SPMIP7: variants seen among roughly 807,000 people sequenced by gnomAD.
SPMIP7 encodes sperm microtubule inner protein 7.
At chr7:50,133,140 A>G in the SPMIP7 span, among the ~76,000 whole-genome samples, 1 of 152,072 alleles carries the variant, frequency 6.6e-6, no homozygotes, top group Non-Finnish European at 1.5e-5. Flanking sequence ...TTCACTCAGG[A>G]TCCAACTGGA....
the SPMIP7 span, among the ~76,000 whole-genome samples, chr7:50,106,423 A>G: frequency 6.6e-6 from 1 of 152,232 alleles, no homozygotes; most frequent in Admixed American, 6.5e-5. Context: ...AGTAAAAAGC[A>G]CTTGAACAGA....
chr7:50,145,618 G>GTATATATATA, the SPMIP7 span, among the ~76,000 whole-genome samples: 69 of 27,652 alleles, frequency 2.5e-3, 2 homozygotes, highest in South Asian at 0.01. Context: ...ATATGTGTGT[G>GTATATATATA]TATATATATA....
the SPMIP7 span, among the ~76,000 whole-genome samples, chr7:50,102,880 A>G: frequency 6.6e-6 from 1 of 151,296 alleles, no homozygotes; most frequent in Non-Finnish European, 1.5e-5. Flanking sequence ...AATAGTCATT[A>G]AAGGTTAGGA....
the SPMIP7 span, among the ~76,000 whole-genome samples, chr7:50,151,121 G>A: frequency 6.6e-6 from 1 of 152,158 alleles, no homozygotes; most frequent in South Asian, 2.1e-4. Context: ...GTCAAGACCT[G>A]GTATCTTCCT....
At chr7:50,116,987 A>G in the SPMIP7 span, among the ~76,000 whole-genome samples, 1 of 152,194 alleles carries the variant, frequency 6.6e-6, no homozygotes, top group South Asian at 2.1e-4. Flanking sequence ...CTGACCTACA[A>G]TTAAAAGAAA....
the SPMIP7 span, among the ~76,000 whole-genome samples, chr7:50,126,289 C>T: frequency 6.6e-6 from 1 of 151,548 alleles, no homozygotes; most frequent in East Asian, 1.9e-4. Context: ...ATTAATTTGG[C>T]ACTTAGATGA....
At chr7:50,153,674 C>T in the SPMIP7 span, among the ~76,000 whole-genome samples, 1 of 152,156 alleles carries the variant, frequency 6.6e-6, no homozygotes, top group Non-Finnish European at 1.5e-5. Flanking sequence ...GAAACTGAGG[C>T]ACACACAAGC....
chr7:50,111,146 G>T, the SPMIP7 span, among the ~76,000 whole-genome samples: 2 of 149,020 alleles, frequency 1.3e-5, no homozygotes, highest in Non-Finnish European at 3.0e-5. Context: ...GTATTGAAAT[G>T]GTGTCATTGT....
At chr7:50,111,072 A>G in the SPMIP7 span, among the ~76,000 whole-genome samples, 1 of 145,906 alleles carries the variant, frequency 6.9e-6, no homozygotes, top group East Asian at 2.0e-4. Flanking sequence ...CATATATATG[A>G]TAAAATGTTC....
the SPMIP7 span, chr7:50,120,405 G>A: frequency 6.6e-6 from 1 of 152,038 alleles, no homozygotes; most frequent in Non-Finnish European, 1.5e-5. Context: ...TCCTGAAGGG[G>A]GATAAAAAAA....
chr7:50,129,990 A>G, the SPMIP7 span, among the ~76,000 whole-genome samples: 1 of 152,138 alleles, frequency 6.6e-6, no homozygotes, highest in Admixed American at 6.6e-5. Flanking sequence ...TGATGGAAGA[A>G]TAAAACCATA....
At chr7:50,104,239 G>A in the SPMIP7 span, 1 of 628,414 alleles carries the variant, frequency 1.6e-6, no homozygotes. Context: ...GCTTCTAATA[G>A]TAAATATTTC....
At chr7:50,121,315 A>G in the SPMIP7 span, 1 of 152,222 alleles carries the variant, frequency 6.6e-6, no homozygotes, top group South Asian at 2.1e-4. Flanking sequence ...TACGTATGTA[A>G]TAAACTGTAA....
chr7:50,100,743 C>G, the SPMIP7 span, among the ~76,000 whole-genome samples: 1 of 151,714 alleles, frequency 6.6e-6, no homozygotes, highest in Non-Finnish European at 1.5e-5. Flanking sequence ...ACCTGGTAGG[C>G]AGAGCTTGCA....
At chr7:50,141,083 G>A in the SPMIP7 span, among the ~76,000 whole-genome samples, 1 of 152,180 alleles carries the variant, frequency 6.6e-6, no homozygotes, top group African/African-American at 2.4e-5. Context: ...GCATGCCACC[G>A]CTCATTCTGA....
the SPMIP7 span, among the ~76,000 whole-genome samples, chr7:50,117,831 A>G: frequency 1.3e-5 from 2 of 152,192 alleles, no homozygotes; most frequent in Non-Finnish European, 2.9e-5. Context: ...ATTTATACAG[A>G]TAGTTACATG....
chr7:50,118,832 T>G, the SPMIP7 span, among the ~76,000 whole-genome samples: 1 of 152,184 alleles, frequency 6.6e-6, no homozygotes, highest in Non-Finnish European at 1.5e-5. Context: ...GAGGTAATAT[T>G]ACCTCGGCTT....
At chr7:50,152,950 C>T in the SPMIP7 span, among the ~76,000 whole-genome samples, 1 of 152,064 alleles carries the variant, frequency 6.6e-6, no homozygotes, top group Admixed American at 6.6e-5. Flanking sequence ...GCCTCCCAAA[C>T]TGCTGGGATT....
At chr7:50,154,256 A>G in the SPMIP7 span, among the ~76,000 whole-genome samples, 1 of 152,248 alleles carries the variant, frequency 6.6e-6, no homozygotes, top group African/African-American at 2.4e-5. Flanking sequence ...CAGAGCAGCT[A>G]TAATCTACTC....
Sources: gnomAD v4.1 joint callset for allele counts (sites outside exome capture counted in the v4.1 genomes callset) on GRCh38, gnomAD v4.1.1 for gene constraint, MANE v1.5 for transcripts, NCBI Gene and HGNC (gene_info 2026-07-23, HGNC 2026-07-21) for gene names.